SEZ6L: variants seen among roughly 807,000 people sequenced by gnomAD.
SEZ6L encodes the protein seizure related 6 homolog like, also known as seizure 6-like protein.
In SEZ6L, 37 loss-of-function variants were observed where a neutral mutation model predicts 106.2. The ratio of observed to expected loss-of-function variants is 0.35; its 90% CI spans 0.27 to 0.46. The LOEUF is 0.46. SEZ6L is among the 20% of genes least tolerant of loss of function. SEZ6L has a pLI of 1.00. For synonymous variants in SEZ6L, 541 were observed against 570.4 expected (o/e 0.95, Z 0.73); for missense variants, 1,172 against 1,332.8 (o/e 0.88, Z 1.88).
intron 13 of SEZ6L, 95 bp downstream of exon 13, chr22:26,365,661 C>A: frequency 8.2e-7 from 1 of 1,212,446 alleles, no homozygotes. Flanking sequence ...AAAAATTGGA[C>A]TAGGAGTTCG....
rs149306304 is a variant in SEZ6L at position 26,292,831 on chromosome 22, G to T, written c.520G>T (p.Val174Leu). 2 of 1,614,028 alleles carry T rather than the reference G, an allele frequency of 1.2e-6. No individual in the cohort carries two copies. The highest frequency in any genetic ancestry group is 1.7e-6 in the Non-Finnish European group (2 of 1,179,920). ...CCCACCGGGGGACCCGGACCCCATC[G>T]TGGCCTCCGAGGAGGCATCAGAAGT... ...PGPPGDPDPI[V>L]ASEEASEVPL... Residue 174 changes from valine to leucine, a missense_variant, in exon 2 of 17, where the codon GTG becomes TTG. Transcript: ENST00000248933.
chr22:26,326,894 C>A (rs1245677579), intron 9 of SEZ6L, among the ~76,000 whole-genome samples: 6 of 152,222 alleles, frequency 3.9e-5, no homozygotes, highest in Non-Finnish European at 8.8e-5. Flanking sequence ...TGGGGCCTTC[C>A]GGGGAGAAGC....
intron 9 of SEZ6L, among the ~76,000 whole-genome samples, chr22:26,316,015 A>G (rs374134745): frequency 2.0e-4 from 30 of 152,114 alleles, no homozygotes; most frequent in African/African-American, 7.2e-4. Flanking sequence ...TGATTGCACC[A>G]CTACTTCAGC....
chr22:26,210,442 G>C (rs758829017), intron 1 of SEZ6L, among the ~76,000 whole-genome samples: 13 of 152,090 alleles, frequency 8.5e-5, no homozygotes, highest in Admixed American at 7.2e-4. Context: ...GGAACATAAC[G>C]CTCCTTTTAG....
intron 12 of SEZ6L, among the ~76,000 whole-genome samples, chr22:26,353,229 G>T (rs2083333958): frequency 6.6e-6 from 1 of 152,086 alleles, no homozygotes; most frequent in African/African-American, 2.4e-5. Context: ...AAATGCAACT[G>T]CCCCCATTGT....
rs1450116235 is a variant in SEZ6L at position 26,277,681 on chromosome 22, C to A, written c.95-14725C>A. Among the ~76,000 whole-genome samples the A allele has an allele frequency of 2.0e-5, 3 of 152,288 alleles. No homozygotes were observed. The East Asian group carries it at 5.8e-4, about 29-fold the overall frequency. ...ACTTAAAGAGATTGACTTTGTCATACACACCAAGTCTTGTTCTCAGCACTG... is the reference window on the plus strand; with the variant it reads ...ACTTAAAGAGATTGACTTTGTCATAAACACCAAGTCTTGTTCTCAGCACTG... On this transcript the variant is annotated intron_variant, in intron 1 of 16. Coordinates refer to ENST00000248933, the MANE Select transcript of SEZ6L (RefSeq NM_021115.5).
At chr22:26,283,325 T>A (rs2080832897) in intron 1 of SEZ6L, among the ~76,000 whole-genome samples, 2 of 152,228 alleles carry the variant, frequency 1.3e-5, no homozygotes, top group South Asian at 4.1e-4. Flanking sequence ...GGAATGGCAA[T>A]AATTTGAATA....
chr22:26,347,600 C>A, intron 10 of SEZ6L, 119 bp from the exon 11 acceptor site: 1 of 746,200 alleles, frequency 1.3e-6, no homozygotes, highest in Non-Finnish European at 2.0e-6. Flanking sequence ...ATTTTGGAAG[C>A]GTGTTGCTCA....
At chr22:26,271,386 A>C (rs1414148320) in intron 1 of SEZ6L, among the ~76,000 whole-genome samples, 2 of 152,190 alleles carry the variant, frequency 1.3e-5, no homozygotes, top group Non-Finnish European at 2.9e-5. Flanking sequence ...ACAGAAATGA[A>C]TATACACATA....
chr22:26,216,560 G>C (rs1308513955), intron 1 of SEZ6L, among the ~76,000 whole-genome samples: 1 of 152,168 alleles, frequency 6.6e-6, no homozygotes, highest in African/African-American at 2.4e-5. Flanking sequence ...GGAGGCTGAA[G>C]CAGGAGAATC....
rs1027477211 is a variant in SEZ6L, at chr22:26,383,011, C to G, written c.*2716C>G. 6.6e-6 allele frequency: 1 copy of G among 151,242 alleles called. No homozygotes were observed. Among genetic ancestry groups the G allele is most frequent in the Non-Finnish European group, 1.5e-5 (1 of 67,986 alleles). 9.4% of individuals were successfully genotyped at this position (151,242 alleles called of 1,614,324 possible). A position where few individuals can be genotyped will look rare whatever the true frequency, so the allele number is the denominator to read the frequency against. ...TATAAGCTGTATCTGTCAGCTACCA[C>G]CCTGTGCTTTAAAAATGCACACACT... On this transcript the variant is annotated 3_prime_UTR_variant, in exon 17 of 17. Transcript: ENST00000248933.
Position 26,292,624 on chromosome 22 carries a change from G to GCCTCT in SEZ6L, c.313_314insCCTCT (p.Glu105AlafsTer23). On this transcript the variant is annotated frameshift_variant, in exon 2 of 17. Transcript: ENST00000248933. LOFTEE classifies it high-confidence loss of function. ...CCCAGCCCTGTCACCGCTGCTTCCAGAGGAGGCCCGCCCCAAGCACGCCTT... is the reference window on the plus strand; with the variant it reads ...CCCAGCCCTGTCACCGCTGCTTCCAGCCTCTAGGAGGCCCGCCCCAAGCACGCCTT... 6.2e-7 allele frequency: 1 copy of GCCTCT among 1,613,202 alleles called. No individual in the cohort carries two copies. Among genetic ancestry groups the GCCTCT allele is most frequent in the African/African-American group, 1.3e-5 (1 of 75,028 alleles).
intron 5 of SEZ6L, among the ~76,000 whole-genome samples, chr22:26,304,378 AAGAAAGAAAG>A (rs1357241711): frequency 3.7e-5 from 3 of 81,110 alleles, no homozygotes; most frequent in African/African-American, 1.5e-4. Flanking sequence ...AGAAGAAAGA[AAGAAAGAAAG>A]AAAGAAAGAA....
At chr22:26,198,095 C>G (rs1316802640) in intron 1 of SEZ6L, among the ~76,000 whole-genome samples, 1 of 152,188 alleles carries the variant, frequency 6.6e-6, no homozygotes. Flanking sequence ...AATTATCCAT[C>G]TCTTTGCTCT....
rs1268193358 is a variant in SEZ6L, at chr22:26,347,059, G to GGTGGTACATGACT, written c.2213-654_2213-642dup. On this transcript the variant is annotated intron_variant, in intron 10 of 16. Coordinates refer to ENST00000248933, the MANE Select transcript of SEZ6L (RefSeq NM_021115.5). Reference sequence around the variant, plus strand: ...AAAAAAAAAAAATTAGCCAGGCCATGGTGGTACATGACTGTGGTCCCAGCT... The same window carrying GGTGGTACATGACT: ...AAAAAAAAAAAATTAGCCAGGCCATGGTGGTACATGACTGTGGTACATGACTGTGGTCCCAGCT... Among the ~76,000 whole-genome samples, 5 of 151,858 alleles carry GGTGGTACATGACT rather than the reference G, an allele frequency of 3.3e-5. No homozygotes were observed. In the East Asian group the frequency reaches 9.6e-4, roughly 29 times the overall value.
chr22:26,293,147 G>C lies in SEZ6L; in HGVS notation c.835+1G>C. On this transcript the variant is annotated splice_donor_variant, in intron 2 of 16. Coordinates refer to ENST00000248933, the MANE Select transcript of SEZ6L (RefSeq NM_021115.5). LOFTEE classifies it high-confidence loss of function. ...GTCATCACCACCGAGCAGGCACCAGGTATGCAGCCCCCAACTCCTGAAGCC... is the reference window on the plus strand; with the variant it reads ...GTCATCACCACCGAGCAGGCACCAGCTATGCAGCCCCCAACTCCTGAAGCC... The C allele has an allele frequency of 6.6e-7, 1 of 1,521,582 alleles. No individual in the cohort carries two copies. Among genetic ancestry groups the C allele is most frequent in the Non-Finnish European group, 8.8e-7 (1 of 1,142,770 alleles). The allele number at this position is 1,521,582 out of a possible 1,614,324, so 94.3% of individuals were successfully genotyped here.
rs967363598 is a variant in SEZ6L, at chr22:26,376,130, A to G, written c.2942+441A>G. On this transcript the variant is annotated intron_variant, in intron 15 of 16. Coordinates refer to ENST00000248933, the MANE Select transcript of SEZ6L (RefSeq NM_021115.5). ...AAACCATGCACCAGAATAGCCACTC[A>G]TTCATTCACATTCACAGTTGTTGAG... 6.1e-4 allele frequency among the ~76,000 whole-genome samples: 92 copies of G among 152,056 alleles called. 1 individual carries two copies. Among genetic ancestry groups the G allele is most frequent in the African/African-American group, 2.2e-3 (92 of 41,388 alleles).
intron 1 of SEZ6L, among the ~76,000 whole-genome samples, chr22:26,266,786 C>T (rs1175761771): frequency 1.3e-5 from 2 of 151,640 alleles, no homozygotes; most frequent in Non-Finnish European, 2.9e-5. Context: ...GTTCCCAATA[C>T]CTATAAAGTG....
rs2081162886 is a variant in SEZ6L at position 26,292,537 on chromosome 22, T to TTCCTCA, written c.226_227insTCCTCA (p.Ser76delinsPheLeuThr). The TTCCTCA allele has an allele frequency of 6.2e-7, 1 of 1,613,644 alleles. No homozygotes were observed. The highest frequency in any genetic ancestry group is 8.5e-7 in the Non-Finnish European group (1 of 1,179,892). ...AACAGCGCCCCCCAGTTCCTCACAG[T>TTCCTCA]CGGCGGAAGTGCTGGGCGAGCTGGT... On this transcript the variant is annotated protein_altering_variant, in exon 2 of 17. Transcript: ENST00000248933.
Sources: gnomAD v4.1 joint callset for allele counts (sites outside exome capture counted in the v4.1 genomes callset) on GRCh38, gnomAD v4.1.1 for gene constraint, MANE v1.5 for transcripts, NCBI Gene and HGNC (gene_info 2026-07-23, HGNC 2026-07-21) for gene names.